Variants in CBX3 observed in about 807,000 individuals in gnomAD.
CBX3 encodes the protein chromobox 3, also known as chromobox protein homolog 3.
A neutral mutation model predicts 22.6 loss-of-function variants in CBX3; 5 were observed. The observed-to-expected ratio is 0.22, with a 90% CI of 0.12 to 0.47. CBX3 has a LOEUF of 0.47. Ranked by LOEUF, CBX3 falls within the 20% of genes least tolerant of loss-of-function variation. The pLI, the probability that CBX3 is intolerant of heterozygous loss-of-function variation, is 0.99. For synonymous variants in CBX3, 50 were observed against 66.6 expected (o/e 0.75, Z 1.21); for missense variants, 83 against 208.1 (o/e 0.40, Z 3.70).
In CBX3 at chr7:26,208,417, A is replaced by G. The variant is rs576833016; in HGVS notation, c.192A>G (p.Glu64=). ...FTDADNTWEP[E]ENLDCPELIE... ...GTGCTGACAATACTTGGGAACCTGA[A>G]GAAAATTTAGATTGTCCAGAATTGA... The change falls in exon 4 of 6, where the codon GAA becomes GAG. Residue 64 remains glutamate, a synonymous_variant. Transcript: ENST00000396386. 1.6e-5 allele frequency: 25 copies of G among 1,611,416 alleles called. No individual in the cohort carries two copies. The highest frequency in any genetic ancestry group is 2.0e-5 in the Non-Finnish European group (24 of 1,178,318).
intron 2 of CBX3, among the ~76,000 whole-genome samples, chr7:26,203,950 A>T (rs2128136666): frequency 6.6e-6 from 1 of 152,344 alleles, no homozygotes; most frequent in Middle Eastern, 3.4e-3. Flanking sequence ...CGCAATTGAT[A>T]GCCTTTGGGG....
intron 3 of CBX3, among the ~76,000 whole-genome samples, chr7:26,207,255 T>A (rs1205834823): frequency 6.6e-6 from 1 of 152,234 alleles, no homozygotes; most frequent in Non-Finnish European, 1.5e-5. Context: ...CCCCTGCTCT[T>A]CACATTTAAT....
At chr7:26,208,193 G>A (rs570477508) in intron 3 of CBX3, 200 bp from the exon 4 acceptor site, 29 of 410,042 alleles carry the variant, frequency 7.1e-5, no homozygotes, top group East Asian at 2.8e-4. Context: ...CTGCACTCTC[G>A]TCTGGGCAAC....
chr7:26,208,688 T>TC, intron 4 of CBX3, 133 bp downstream of exon 4: 1 of 751,060 alleles, frequency 1.3e-6, no homozygotes, highest in South Asian at 2.0e-5. Context: ...TGGCATGATC[T>TC]TGGTCACTGC....
intron 4 of CBX3, among the ~76,000 whole-genome samples, chr7:26,209,499 G>T (rs1010908918): frequency 2.0e-5 from 3 of 152,064 alleles, no homozygotes; most frequent in Non-Finnish European, 4.4e-5. Context: ...TAAGAACAAC[G>T]CAAATAGAAC....
At chr7:26,204,090 G>A (rs1334819706) in intron 2 of CBX3, among the ~76,000 whole-genome samples, 1 of 152,142 alleles carries the variant, frequency 6.6e-6, no homozygotes, top group Admixed American at 6.6e-5. Context: ...TAAATAATGG[G>A]AAATTTATTT....
chr7:26,211,181 AGTTT>A (rs1784796265), intron 4 of CBX3, among the ~76,000 whole-genome samples: 1 of 152,164 alleles, frequency 6.6e-6, no homozygotes, highest in South Asian at 2.1e-4. Context: ...AGGTTACACA[AGTTT>A]GTTCTAACAT....
At chr7:26,206,900 A>C (rs1403910383) in intron 3 of CBX3, among the ~76,000 whole-genome samples, 3 of 152,216 alleles carry the variant, frequency 2.0e-5, no homozygotes, top group Admixed American at 2.0e-4. Context: ...GATTACATAT[A>C]ATCTAGGCTT....
intron 2 of CBX3, among the ~76,000 whole-genome samples, chr7:26,203,868 TAA>T (rs1405815672): frequency 1.3e-5 from 2 of 152,184 alleles, no homozygotes; most frequent in South Asian, 4.1e-4. Context: ...GATTCTGCAT[TAA>T]GTCTGTTTAC....
intron 2 of CBX3, 40 bp downstream of exon 2, chr7:26,203,062 C>A (rs1784587725): frequency 7.2e-7 from 1 of 1,383,818 alleles, no homozygotes; most frequent in African/African-American, 1.5e-5. Flanking sequence ...GGATTTAACT[C>A]AAGTTTTTTT....
At chr7:26,205,402 T>A (rs6949939) in intron 2 of CBX3, among the ~76,000 whole-genome samples, 3,467 of 152,268 alleles carry the variant, frequency 0.023, 135 homozygotes, top group African/African-American at 0.08. Flanking sequence ...AATAAATTTG[T>A]AATGTTGGTC....
At position 26,213,290 on chromosome 7, in the gene CBX3, ATTG is replaced by A. The variant is rs1435749814; in HGVS notation, c.*1085_*1087del. 1.3e-5 allele frequency: 2 copies of A among 152,716 alleles called. No individual in the cohort carries two copies. The highest frequency in any genetic ancestry group is 4.8e-5 in the African/African-American group (2 of 41,478). 9.5% of individuals were successfully genotyped at this position (152,716 alleles called of 1,614,324 possible). A position where few individuals can be genotyped will look rare whatever the true frequency, so the allele number is the denominator to read the frequency against. On this transcript the variant is annotated 3_prime_UTR_variant, in exon 6 of 6. Transcript: ENST00000396386. ...TAATCAAAATGTTATCCAACTGTAT[ATTG>A]TTTACTTTATTGTAAATACTGGTGA...
At position 26,212,582 on chromosome 7, in the gene CBX3, T is replaced by TTATGTGTG. The variant is rs879214653; in HGVS notation, c.*375_*376insATGTGTGT. 9.2e-6 allele frequency: 1 copy of TTATGTGTG among 109,072 alleles called. No individual in the cohort carries two copies. Among genetic ancestry groups the TTATGTGTG allele is most frequent in the African/African-American group, 3.4e-5 (1 of 29,114 alleles). 6.8% of individuals were successfully genotyped at this position (109,072 alleles called of 1,614,324 possible). On this transcript the variant is annotated 3_prime_UTR_variant, in exon 6 of 6. Coordinates refer to ENST00000396386, the MANE Select transcript of CBX3 (RefSeq NM_016587.4). ...CCATTCTAGATTTATTACGTGTTTTTTGTGTGTGTGTGTGTGTGTGTGTGT... is the reference window on the plus strand; with the variant it reads ...CCATTCTAGATTTATTACGTGTTTTTTATGTGTGTGTGTGTGTGTGTGTGTGTGTGTGT...
At chr7:26,209,058 C>T (rs1784746742) in intron 4 of CBX3, among the ~76,000 whole-genome samples, 1 of 148,714 alleles carries the variant, frequency 6.7e-6, no homozygotes, top group Non-Finnish European at 1.5e-5. Context: ...AAGCGTGTAC[C>T]ACCACACCCA....
At chr7:26,208,705 C>G in intron 4 of CBX3, 150 bp downstream of exon 4, 1 of 624,246 alleles carries the variant, frequency 1.6e-6, no homozygotes, top group Non-Finnish European at 2.6e-6. Flanking sequence ...CTGCAACTGC[C>G]GCCTCCTGGG....
Position 26,201,798 on chromosome 7 carries a change from G to A in CBX3, c.-57G>A, listed in dbSNP as rs1409210031. Reference sequence around the variant, plus strand: ...GGAGGGCCGGAGACGCTGCAGACCCGCGACCCGGAGCAGCTCGGAGGCGGT... The same window carrying A: ...GGAGGGCCGGAGACGCTGCAGACCCACGACCCGGAGCAGCTCGGAGGCGGT... On this transcript the variant is annotated 5_prime_UTR_variant, in exon 1 of 6. Coordinates refer to ENST00000396386, the MANE Select transcript of CBX3 (RefSeq NM_016587.4). The A allele has an allele frequency of 1.7e-5, 4 of 237,714 alleles. No homozygotes were observed. Among genetic ancestry groups the A allele is most frequent in the African/African-American group, 2.3e-5 (1 of 43,590 alleles). The allele number at this position is 237,714 out of a possible 1,614,324, so 14.7% of individuals were successfully genotyped here.
chr7:26,206,765 C>T (rs117565979), intron 3 of CBX3, among the ~76,000 whole-genome samples: 71 of 152,172 alleles, frequency 4.7e-4, no homozygotes, highest in Non-Finnish European at 7.1e-4. Context: ...GTGTAGTTTA[C>T]TATGTAATAT....
chr7:26,207,364 C>T (rs966544143), intron 3 of CBX3, among the ~76,000 whole-genome samples: 2 of 152,094 alleles, frequency 1.3e-5, no homozygotes, highest in Non-Finnish European at 2.9e-5. Context: ...GTCGTAAGTC[C>T]CTTCTTTATT....
chr7:26,206,594 C>T lies in CBX3; in HGVS notation c.167+84C>T, dbSNP rs982267925. On this transcript the variant is annotated intron_variant, in intron 3 of 5. Transcript: ENST00000396386. The stretch of plus-strand genomic sequence containing the variant: ...TTTGTTTTTAACCTGGCTCTTTTAC[C>T]TGCTTTCCTGTAGGTGTCTTTAAAT... 33 of 1,234,346 alleles carry T rather than the reference C, an allele frequency of 2.7e-5. No homozygotes were observed. In the Admixed American group the frequency reaches 5.2e-4, roughly 19 times the overall value. 76.5% of individuals were successfully genotyped at this position (1,234,346 alleles called of 1,614,324 possible). A position where few individuals can be genotyped will look rare whatever the true frequency, so the allele number is the denominator to read the frequency against.
Sources: allele counts gnomAD v4.1 joint callset (sites outside exome capture counted in the v4.1 genomes callset), GRCh38; gene constraint gnomAD v4.1.1; transcripts MANE v1.5; gene names NCBI Gene and HGNC (gene_info 2026-07-23, HGNC 2026-07-21).